Variants in MAF observed in about 807,000 individuals in gnomAD.
MAF encodes the protein MAF bZIP transcription factor.
Under a neutral mutation model 22.0 loss-of-function variants are expected in MAF, and 10 were observed. The ratio of observed to expected loss-of-function variants is 0.45; its 90% CI spans 0.28 to 0.77. MAF has a LOEUF of 0.77. Among genes scored for constraint, MAF ranks in the 30% least tolerant of loss-of-function variants. MAF has a pLI of 0.12. For missense variants in MAF, 544 were observed against 548.4 expected (o/e 0.99, Z 0.08); for synonymous variants, 337 against 255.8 (o/e 1.32, Z -3.03).
chr16:79,358,814 T>G, the MAF span, among the ~76,000 whole-genome samples: 70,115 of 152,092 alleles, frequency 0.46, 16,504 homozygotes, highest in South Asian at 0.62. Flanking sequence ...ATTCTTGCTC[T>G]GGAGCCCATT....
the MAF span, among the ~76,000 whole-genome samples, chr16:79,536,656 G>T: frequency 2.6e-4 from 40 of 152,192 alleles, no homozygotes; most frequent in Non-Finnish European, 5.1e-4. Context: ...AAATATAAAA[G>T]AAAATATTGA....
chr16:79,452,700 G>A, the MAF span, among the ~76,000 whole-genome samples: 1 of 152,096 alleles, frequency 6.6e-6, no homozygotes, highest in Non-Finnish European at 1.5e-5. Flanking sequence ...AGTCAGCATG[G>A]CCATGCAACT....
chr16:79,317,589 A>G, the MAF span, among the ~76,000 whole-genome samples: 1 of 148,456 alleles, frequency 6.7e-6, no homozygotes, highest in Non-Finnish European at 1.5e-5. Context: ...CTTCCTTTCT[A>G]CCACAAATTC....
At chr16:79,386,563 G>C in the MAF span, among the ~76,000 whole-genome samples, 2 of 152,254 alleles carry the variant, frequency 1.3e-5, no homozygotes, top group Non-Finnish European at 1.5e-5. Context: ...GCTCGTAACA[G>C]GCCATTAACC....
the MAF span, among the ~76,000 whole-genome samples, chr16:79,354,751 G>A: frequency 6.6e-6 from 1 of 152,154 alleles, no homozygotes; most frequent in Admixed American, 6.5e-5. Context: ...TCTCCACTTT[G>A]AGCGGGATTT....
At chr16:79,392,261 T>G in the MAF span, among the ~76,000 whole-genome samples, 103 of 84,398 alleles carry the variant, frequency 1.2e-3, no homozygotes, top group Admixed American at 1.7e-3. Context: ...GAGAAAAGAG[T>G]AGAAGGAGGA....
At chr16:79,211,711 A>C in the MAF span, 3 of 1,614,110 alleles carry the variant, frequency 1.9e-6, no homozygotes, top group Admixed American at 1.7e-5. Flanking sequence ...CCCTCACCAG[A>C]AGCTCAGAGC....
chr16:79,399,868 T>C, the MAF span, among the ~76,000 whole-genome samples: 1 of 152,172 alleles, frequency 6.6e-6, no homozygotes, highest in Non-Finnish European at 1.5e-5. Context: ...CAACTTTTCA[T>C]CTCTAAAGGA....
At chr16:79,493,907 G>GTT in the MAF span, among the ~76,000 whole-genome samples, 27 of 141,088 alleles carry the variant, frequency 1.9e-4, no homozygotes, top group South Asian at 4.7e-4. Context: ...CATGGAACTG[G>GTT]TTTTTTTTTT....
the MAF span, among the ~76,000 whole-genome samples, chr16:79,498,875 G>T: frequency 6.6e-6 from 1 of 152,172 alleles, no homozygotes; most frequent in African/African-American, 2.4e-5. Flanking sequence ...CTCCTCAGGT[G>T]TGGAGTATAC....
the MAF span, among the ~76,000 whole-genome samples, chr16:79,555,761 C>T: frequency 2.0e-5 from 3 of 152,306 alleles, no homozygotes; most frequent in African/African-American, 7.2e-5. Context: ...AAATCCAAGA[C>T]ACTTCTGATC....
At chr16:79,487,635 C>A in the MAF span, among the ~76,000 whole-genome samples, 1 of 152,078 alleles carries the variant, frequency 6.6e-6, no homozygotes, top group Admixed American at 6.5e-5. Flanking sequence ...ATATACCCTT[C>A]GGGGAAAAAA....
chr16:79,274,342 C>A, the MAF span, among the ~76,000 whole-genome samples: 1 of 151,876 alleles, frequency 6.6e-6, no homozygotes, highest in Admixed American at 6.6e-5. Flanking sequence ...CGTGCTCACT[C>A]AGACACTAGT....
chr16:79,471,475 T>A, the MAF span, among the ~76,000 whole-genome samples: 2 of 152,288 alleles, frequency 1.3e-5, no homozygotes, highest in African/African-American at 4.8e-5. Flanking sequence ...CTGGGCAACA[T>A]GTCTTTTGTA....
At chr16:79,385,091 T>G in the MAF span, among the ~76,000 whole-genome samples, 1 of 152,234 alleles carries the variant, frequency 6.6e-6, no homozygotes, top group Non-Finnish European at 1.5e-5. Context: ...GGGAGATTGC[T>G]AGACATAGGT....
the MAF span, among the ~76,000 whole-genome samples, chr16:79,574,145 A>G: frequency 4.6e-5 from 7 of 152,324 alleles, no homozygotes; most frequent in African/African-American, 1.7e-4. Context: ...TTGTCTTACA[A>G]GGCAGAGTGA....
chr16:79,350,158 CCTCT>C, the MAF span, among the ~76,000 whole-genome samples: 1 of 152,148 alleles, frequency 6.6e-6, no homozygotes, highest in African/African-American at 2.4e-5. Context: ...TCATATGTGC[CCTCT>C]CTGTCTCTCC....
chr16:79,454,206 G>C, the MAF span, among the ~76,000 whole-genome samples: 14 of 152,194 alleles, frequency 9.2e-5, no homozygotes, highest in Non-Finnish European at 2.1e-4. Flanking sequence ...ACCATGGAGA[G>C]GCTGAACTTC....
At chr16:79,447,623 C>G in the MAF span, among the ~76,000 whole-genome samples, 1 of 152,030 alleles carries the variant, frequency 6.6e-6, no homozygotes. Context: ...GTTCTAGATG[C>G]CATTAGAAAC....
Sources: allele counts gnomAD v4.1 joint callset (sites outside exome capture counted in the v4.1 genomes callset), GRCh38; gene constraint gnomAD v4.1.1; transcripts MANE v1.5; gene names NCBI Gene and HGNC (gene_info 2026-07-23, HGNC 2026-07-21).